The following TNIP3 variants were observed in gnomAD, a reference collection of about 807,000 sequenced individuals.
TNIP3 encodes TNFAIP3-interacting protein 3.
TNIP3 carries 34 observed loss-of-function variants against 54.1 expected under a neutral mutation model. The observed-to-expected ratio is 0.63, with a 90% CI of 0.48 to 0.84. The LOEUF (loss-of-function observed/expected upper bound fraction) is 0.84. Ranked by LOEUF, TNIP3 falls within the 40% of genes least tolerant of loss-of-function variation. TNIP3 has a pLI of 0.00. For missense variants in TNIP3, 366 were observed against 387.6 expected (o/e 0.94, Z 0.47); for synonymous variants, 134 against 136.8 (o/e 0.98, Z 0.14).
chr4:121,166,300 A>G (rs1730764517), upstream of TNIP3, among the ~76,000 whole-genome samples: 1 of 152,218 alleles, frequency 6.6e-6, no homozygotes, highest in Non-Finnish European at 1.5e-5. Context: ...AATAAGTAAT[A>G]ACTCTTCTGA....
chr4:121,213,736 A>AC (rs1726615427), intron 2 of TNIP3, among the ~76,000 whole-genome samples: 3 of 151,830 alleles, frequency 2.0e-5, no homozygotes, highest in South Asian at 4.2e-4. Flanking sequence ...CAAAAAAAAA[A>AC]AAAACAAAAA....
chr4:121,171,640 GA>G (rs1321392085), intron 3 of TNIP3, among the ~76,000 whole-genome samples: 3 of 152,150 alleles, frequency 2.0e-5, no homozygotes, highest in Non-Finnish European at 2.9e-5. Context: ...CATGCCTCAG[GA>G]AAATGAAAAT....
chr4:121,220,230 T>G (rs1726973114), upstream of TNIP3, among the ~76,000 whole-genome samples: 2 of 152,224 alleles, frequency 1.3e-5, no homozygotes, highest in Non-Finnish European at 2.9e-5. Flanking sequence ...ATCAAAATAT[T>G]AGTTAAAGCT....
At chr4:121,161,099 A>C in intron 2 of TNIP3, 37 bp downstream of exon 2, 1 of 1,442,140 alleles carries the variant, frequency 6.9e-7, no homozygotes, top group Non-Finnish European at 9.6e-7. Context: ...GCATTAATCC[A>C]TGGCACCTGT....
Position 121,132,472 on chromosome 4 carries a change from CT to C in TNIP3, c.*158del. ...GATCAGGATCTTAGCTGTCAGAAGC[CT>C]TTTCCTGTATTCATACCAAAGGAAA... is the stretch of plus-strand genomic sequence containing the variant. On this transcript the variant is annotated 3_prime_UTR_variant, in exon 11 of 11. Coordinates refer to ENST00000057513, the MANE Select transcript of TNIP3 (RefSeq NM_024873.6). 3 of 609,332 alleles carry C rather than the reference CT, an allele frequency of 4.9e-6. No individual in the cohort carries two copies. Among genetic ancestry groups the C allele is most frequent in the African/African-American group, 1.9e-5 (1 of 53,238 alleles). The allele number at this position is 609,332 out of a possible 1,614,324, so 37.7% of individuals were successfully genotyped here. A position where few individuals can be genotyped will look rare whatever the true frequency, so the allele number is the denominator to read the frequency against.
At chr4:121,226,425 T>G (rs930595320) in intron 1 of TNIP3, among the ~76,000 whole-genome samples, 1 of 152,252 alleles carries the variant, frequency 6.6e-6, no homozygotes, top group East Asian at 1.9e-4. Flanking sequence ...CGTTGATCCA[T>G]TCCACAAATA....
intron 2 of TNIP3, among the ~76,000 whole-genome samples, chr4:121,185,837 T>C (rs1032351430): frequency 6.6e-6 from 1 of 152,220 alleles, no homozygotes; most frequent in Non-Finnish European, 1.5e-5. Flanking sequence ...ATGTGTTCTT[T>C]GATATTAAAC....
chr4:121,147,028 T>C lies in TNIP3; in HGVS notation c.735+21A>G, dbSNP rs753875737. 7 of 1,594,458 alleles carry C rather than the reference T, an allele frequency of 4.4e-6. 1 individual carries two copies. In the South Asian group the frequency reaches 6.9e-5, roughly 16 times the overall value. On this transcript the variant is annotated intron_variant, in intron 7 of 10. Coordinates refer to ENST00000057513, the MANE Select transcript of TNIP3 (RefSeq NM_024873.6). ...AAATATACATACATGCTGGCAAAGA[T>C]TATTTTGTTTTGACTTGTACCTGGG...
At position 121,164,143 on chromosome 4, in the gene TNIP3, G is replaced by A. The variant is rs756586272; in HGVS notation, c.-18C>T. 3.5e-5 allele frequency: 57 copies of A among 1,613,426 alleles called. No individual in the cohort carries two copies. Among genetic ancestry groups the A allele is most frequent in the Non-Finnish European group, 4.2e-5 (50 of 1,179,692 alleles). ...TGTGCCATGGAAGCTGTTTTTCCTGGAGTCTTGGAAAGCAGAAAGAAAAAC... is the reference window on the plus strand; with the variant it reads ...TGTGCCATGGAAGCTGTTTTTCCTGAAGTCTTGGAAAGCAGAAAGAAAAAC... On this transcript the variant is annotated 5_prime_UTR_variant, in exon 1 of 11. Transcript: ENST00000057513.
intron 2 of TNIP3, among the ~76,000 whole-genome samples, chr4:121,193,792 T>C (rs1456004464): frequency 6.6e-6 from 1 of 152,120 alleles, no homozygotes; most frequent in East Asian, 1.9e-4. Context: ...TATGATCATA[T>C]GACAAGATGC....
At chr4:121,141,967 G>C in intron 8 of TNIP3, 53 bp from the exon 9 acceptor site, 2 of 1,261,144 alleles carry the variant, frequency 1.6e-6, no homozygotes, top group Non-Finnish European at 2.2e-6. Context: ...CTGAGGAGTT[G>C]CAGTGACATT....
chr4:121,194,166 A>G (rs1374657428), intron 2 of TNIP3, among the ~76,000 whole-genome samples: 3 of 152,126 alleles, frequency 2.0e-5, no homozygotes, highest in Non-Finnish European at 4.4e-5. Flanking sequence ...TTGTTTAAGG[A>G]TACGCATACT....
At chr4:121,158,001 A>C (rs113521235) in intron 3 of TNIP3, among the ~76,000 whole-genome samples, 8,791 of 152,248 alleles carry the variant, frequency 0.058, 437 homozygotes, top group African/African-American at 0.13. Flanking sequence ...CAAAATGAGG[A>C]AGAAAGGAAA....
intron 1 of TNIP3, among the ~76,000 whole-genome samples, chr4:121,221,759 AT>A (rs61313316): frequency 4.0e-5 from 6 of 151,612 alleles, no homozygotes; most frequent in African/African-American, 9.7e-5. Flanking sequence ...AGCTGTAACT[AT>A]TTTTTTTTCC....
At chr4:121,145,022 C>T (rs1231331675) in intron 7 of TNIP3, among the ~76,000 whole-genome samples, 3 of 152,096 alleles carry the variant, frequency 2.0e-5, no homozygotes, top group African/African-American at 7.2e-5. Flanking sequence ...TTCACTTTAC[C>T]ACATTACTTA....
chr4:121,147,199 C>T, intron 6 of TNIP3, 25 bp from the exon 7 acceptor site: 1 of 1,594,414 alleles, frequency 6.3e-7, no homozygotes, highest in East Asian at 2.3e-5. Context: ...CTTGCTGTTA[C>T]TGTAAGCTTC....
At chr4:121,202,775 A>G (rs1725963706) in intron 2 of TNIP3, among the ~76,000 whole-genome samples, 1 of 152,166 alleles carries the variant, frequency 6.6e-6, no homozygotes, top group Non-Finnish European at 1.5e-5. Flanking sequence ...AACGACATGA[A>G]TAGATAATTC....
intron 7 of TNIP3, among the ~76,000 whole-genome samples, chr4:121,144,110 T>C (rs1729287174): frequency 6.6e-6 from 1 of 152,196 alleles, no homozygotes; most frequent in South Asian, 2.1e-4. Context: ...AGTAGGGAAA[T>C]TCACATATGC....
At position 121,159,099 on chromosome 4, in the gene TNIP3, C is replaced by T. The variant is rs556015082; in HGVS notation, c.148-347G>A. Among the ~76,000 whole-genome samples, 116 of 152,152 alleles carry T rather than the reference C, an allele frequency of 7.6e-4. 1 individual carries two copies. Among genetic ancestry groups the T allele is most frequent in the East Asian group, 1.7e-3 (9 of 5,158 alleles). On this transcript the variant is annotated intron_variant, in intron 2 of 10. Transcript: ENST00000057513. Reference sequence around the variant, plus strand: ...CTCTACTAAAAATACAAAACTTAGCCGGACGTGGTGGCATGCACCTGCAGT... The same window carrying T: ...CTCTACTAAAAATACAAAACTTAGCTGGACGTGGTGGCATGCACCTGCAGT...
Sources: gnomAD v4.1 joint callset for allele counts (sites outside exome capture counted in the v4.1 genomes callset) on GRCh38, gnomAD v4.1.1 for gene constraint, MANE v1.5 for transcripts, NCBI Gene and HGNC (gene_info 2026-07-23, HGNC 2026-07-21) for gene names.